MYLK: variants seen among roughly 807,000 people sequenced by gnomAD.
The protein encoded by MYLK is myosin light chain kinase, smooth muscle.
In MYLK, 106 loss-of-function variants were observed where a neutral mutation model predicts 203.4. That is an observed-to-expected ratio of 0.52 (90% CI 0.45 to 0.61). The LOEUF is 0.61. Ranked by LOEUF, MYLK falls within the 20% of genes least tolerant of loss-of-function variation. The pLI, the probability that MYLK is intolerant of heterozygous loss-of-function variation, is 0.00. For missense variants in MYLK, 2,072 were observed against 2,442.3 expected (o/e 0.85, Z 3.20); for synonymous variants, 867 against 959.5 (o/e 0.90, Z 1.78).
At chr3:123,680,338 C>G (rs1356130332) in intron 20 of MYLK, among the ~76,000 whole-genome samples, 5 of 152,164 alleles carry the variant, frequency 3.3e-5, no homozygotes, top group Non-Finnish European at 5.9e-5. Context: ...CAGATCAATA[C>G]CTGCCCTGTA....
intron 7 of MYLK, among the ~76,000 whole-genome samples, chr3:123,737,749 C>T (rs1398917475): frequency 6.6e-6 from 1 of 152,198 alleles, no homozygotes; most frequent in Admixed American, 6.5e-5. Flanking sequence ...GTGTGGTGCT[C>T]TGTCCTGCTT....
rs967581876 is a variant in MYLK at position 123,670,054 on chromosome 3, A to G, written c.3653-2867T>C. Among the ~76,000 whole-genome samples, 4 of 151,150 alleles carry G rather than the reference A, an allele frequency of 2.6e-5. No individual in the cohort carries two copies. In the Admixed American group the frequency reaches 2.7e-4, roughly 10 times the overall value. ...CATCTCAAAAAAAAAAAAAAAAAAA[A>G]AAGCAAACATAGTAAAATGTTAACC... On this transcript the variant is annotated intron_variant, in intron 20 of 33. Coordinates refer to ENST00000360304, the MANE Select transcript of MYLK (RefSeq NM_053025.4).
At chr3:123,704,344 G>T (rs1276073104) in intron 16 of MYLK, among the ~76,000 whole-genome samples, 1 of 152,192 alleles carries the variant, frequency 6.6e-6, no homozygotes, top group African/African-American at 2.4e-5. Flanking sequence ...TAAGCTGCTG[G>T]AACAGGGTCT....
chr3:123,881,418 A>T (rs1473310264), intron 1 of MYLK, among the ~76,000 whole-genome samples: 1 of 152,208 alleles, frequency 6.6e-6, no homozygotes, highest in Non-Finnish European at 1.5e-5. Flanking sequence ...TGTTGTTTCT[A>T]AATTTTACTA....
At chr3:123,659,188 A>C (rs1276044048) in intron 23 of MYLK, among the ~76,000 whole-genome samples, 1 of 152,224 alleles carries the variant, frequency 6.6e-6, no homozygotes, top group Non-Finnish European at 1.5e-5. Context: ...AAAAACCTGA[A>C]GAGGGATGGA....
chr3:123,725,728 T>C (rs915965519), intron 12 of MYLK, among the ~76,000 whole-genome samples: 1 of 152,188 alleles, frequency 6.6e-6, no homozygotes, highest in African/African-American at 2.4e-5. Context: ...ATTCCTGCCA[T>C]GTAGATGGAG....
At chr3:123,693,645 AAGG>A (rs1189960870) in intron 18 of MYLK, 1 of 152,500 alleles carries the variant, frequency 6.6e-6, no homozygotes, top group African/African-American at 2.4e-5. Context: ...TGGTTTGGGG[AAGG>A]AGGTGTCAGC....
rs190816391 is a variant in MYLK, at chr3:123,614,777, C to T, written c.5501-428G>A. On this transcript the variant is annotated intron_variant, in intron 33 of 33. Transcript: ENST00000360304. Reference sequence around the variant, plus strand: ...TGAGTAGTGAGACTATAGGCATGAGCGACCGTGCTCAGTTAAACATCACAC... The same window carrying T: ...TGAGTAGTGAGACTATAGGCATGAGTGACCGTGCTCAGTTAAACATCACAC... Among the ~76,000 whole-genome samples, 26 of 151,096 alleles carry T rather than the reference C, an allele frequency of 1.7e-4. 1 individual carries two copies. Among genetic ancestry groups the T allele is most frequent in the Middle Eastern group, 3.5e-3 (1 of 288 alleles).
intron 1 of MYLK, among the ~76,000 whole-genome samples, chr3:123,880,588 GA>G (rs1334589259): frequency 6.6e-6 from 1 of 150,740 alleles, no homozygotes; most frequent in East Asian, 2.0e-4. Context: ...CAGGGAAGGA[GA>G]GGAGCAGAGG....
rs757468352 is a variant in MYLK, at chr3:123,733,003, T to A, written c.1409A>T (p.His470Leu). 1.9e-6 allele frequency: 3 copies of A among 1,614,176 alleles called. No homozygotes were observed. The highest frequency in any genetic ancestry group is 2.2e-5 in the South Asian group (2 of 91,074). ...CCGGGCTTTCAGCAGGCAGAGGTAA[T>A]GGGAGCCAGCATCTTCATAAACCTC... ...SIEVYEDAGS[H>L]YLCLLKARTR... The change falls in exon 11 of 34, where the codon CAT becomes CTT. Residue 470 changes from histidine (H) to leucine (L), a missense_variant. Physicochemically the swap from His to Leu is moderately conservative, Grantham distance 99 (BLOSUM62 -3). Around this residue, in one of 3 missense-constraint regions of MYLK, gnomAD observed 683 missense variants for 643.8 expected, o/e 1.06. Transcript: ENST00000360304.
chr3:123,707,031 C>T (rs571477859), intron 16 of MYLK, among the ~76,000 whole-genome samples: 74 of 152,332 alleles, frequency 4.9e-4, no homozygotes, highest in African/African-American at 1.7e-3. Context: ...AAGGGTAGGT[C>T]TTAAAAGACA....
At position 123,733,936 on chromosome 3, in the gene MYLK, G is replaced by A. The variant is rs1478703518; in HGVS notation, c.1060C>T (p.Pro354Ser). 3 of 1,614,204 alleles carry A rather than the reference G, an allele frequency of 1.9e-6. No homozygotes were observed. Among genetic ancestry groups the A allele is most frequent in the Non-Finnish European group, 2.5e-6 (3 of 1,180,038 alleles). ...SITLQAARVQ[P>S]EPRAPGLGVL... is the part of the protein sequence containing the mutation. ...CCCAGGCCTGGTGCTCTTGGTTCCG[G>A]CTGAACTCTTGCGGCCTGCAGGGTG... Residue 354 changes from proline to serine, a missense_variant, in exon 10 of 34, where the codon CCG becomes TCG. By Grantham distance (74) the Pro-to-Ser change is moderately conservative (BLOSUM62 -1). Transcript: ENST00000360304.
At chr3:123,719,252 C>T (rs149955984) in intron 13 of MYLK, among the ~76,000 whole-genome samples, 8 of 152,336 alleles carry the variant, frequency 5.3e-5, no homozygotes, top group Admixed American at 5.2e-4. Context: ...CCTCAACCAC[C>T]CCCGAGAGAA....
At chr3:123,632,805 ATTT>A (rs35310974) in intron 29 of MYLK, among the ~76,000 whole-genome samples, 5 of 137,000 alleles carry the variant, frequency 3.6e-5, no homozygotes, top group Admixed American at 7.2e-5. Flanking sequence ...ATGTCTTTTA[ATTT>A]TTTTTTTTTT....
At chr3:123,643,992 C>T (rs2058926592) in intron 27 of MYLK, among the ~76,000 whole-genome samples, 1 of 152,222 alleles carries the variant, frequency 6.6e-6, no homozygotes, top group South Asian at 2.1e-4. Context: ...CCAAGTAGGC[C>T]AGGGGCCTGA....
intron 31 of MYLK, chr3:123,623,972 C>T (rs897416482): frequency 6.6e-6 from 1 of 152,084 alleles, no homozygotes; most frequent in Non-Finnish European, 1.5e-5. Flanking sequence ...GAATTCTACC[C>T]TTTTCTTCCC....
Position 123,752,427 on chromosome 3 carries a change from T to C in MYLK, c.277A>G (p.Ile93Val), listed in dbSNP as rs1576848036. 6.2e-7 allele frequency: 1 copy of C among 1,614,140 alleles called. No individual in the cohort carries two copies. The change falls in exon 5 of 34, where the codon ATT becomes GTT. Residue 93 changes from isoleucine to valine, a missense_variant. Ile to Val is a conservative substitution (Grantham distance 29, BLOSUM62 3). This residue lies in a region of MYLK where 683 missense variants were observed against 643.8 expected (regional missense o/e 1.06). Coordinates refer to ENST00000360304, the MANE Select transcript of MYLK (RefSeq NM_053025.4). ...CGIRGTFSLV[I>V]HAVHEEDRGK... ...CTGTCCTCCTCATGGACAGCATGAA[T>C]CACAAGGCTGAAAGTCCCCCGGATG...
At chr3:123,787,743 T>C (rs1386029137) in intron 4 of MYLK, among the ~76,000 whole-genome samples, 4 of 152,138 alleles carry the variant, frequency 2.6e-5, no homozygotes, top group Admixed American at 2.6e-4. Flanking sequence ...GCCAGGAGGA[T>C]AAAATGATTA....
chr3:123,744,649 A>C (rs1250441057), intron 5 of MYLK, among the ~76,000 whole-genome samples: 2 of 152,100 alleles, frequency 1.3e-5, no homozygotes, highest in African/African-American at 2.4e-5. Flanking sequence ...GTAAAATCTC[A>C]CCTTACCTTG....
Sources: allele counts gnomAD v4.1 joint callset (sites outside exome capture counted in the v4.1 genomes callset), GRCh38; gene constraint gnomAD v4.1.1; regional missense constraint gnomAD v4.1.1; transcripts MANE v1.5; gene names NCBI Gene and HGNC (gene_info 2026-07-23, HGNC 2026-07-21).